TCIM: variants seen among roughly 807,000 people sequenced by gnomAD.
TCIM encodes the protein human thyroid cancer 1.
A neutral mutation model predicts 7.0 loss-of-function variants in TCIM; 5 were observed. That is an observed-to-expected ratio of 0.71 (90% CI 0.37 to 1.50). The LOEUF is 1.50. Ranked by LOEUF, TCIM falls within the 40% of genes most tolerant of loss-of-function variation. The pLI is 0.03. For synonymous variants in TCIM, 66 were observed against 50.3 expected, an observed-to-expected ratio of 1.31 and a Z score of -1.32; for missense variants, 137 against 129.7, an observed-to-expected ratio of 1.06 and a Z score of -0.27.
chr8:40,154,443 A>AT lies in TCIM; in HGVS notation c.*591dup. 1 of 365,248 alleles carries AT rather than the reference A, an allele frequency of 2.7e-6. No individual in the cohort carries two copies. Among genetic ancestry groups the AT allele is most frequent in the Non-Finnish European group, 5.1e-6 (1 of 196,670 alleles). The allele number at this position is 365,248 out of a possible 1,614,324, so 22.6% of individuals were successfully genotyped here. ...TGATTATTTATTTGCACTTATTACAATGCCTGAAAAAGTGCACCACATGGA... is the reference window on the plus strand; with the variant it reads ...TGATTATTTATTTGCACTTATTACAATTGCCTGAAAAAGTGCACCACATGGA... On this transcript the variant is annotated 3_prime_UTR_variant, in exon 1 of 1. Transcript: ENST00000315792.
Position 40,153,704 on chromosome 8 carries a change from A to G in TCIM, c.172A>G (p.Lys58Glu). Residue 58 changes from lysine to glutamate, a missense_variant, in exon 1 of 1, where the codon AAG (lysine) becomes GAG (glutamate). Physicochemically the swap from Lys to Glu is moderately conservative, Grantham distance 56. Transcript: ENST00000315792. ...LERLFRNSGD[K>E]KAEERAKIIF... Reference sequence around the variant, plus strand: ...AAGGCTCTTCAGAAACTCTGGAGACAAGAAAGCAGAGGAGAGAGCCAAGAT... The same window carrying G: ...AAGGCTCTTCAGAAACTCTGGAGACGAGAAAGCAGAGGAGAGAGCCAAGAT... 1 of 1,614,178 alleles carries G rather than the reference A, an allele frequency of 6.2e-7. No homozygotes were observed. Among genetic ancestry groups the G allele is most frequent in the South Asian group, 1.1e-5 (1 of 91,084 alleles).
In TCIM at chr8:40,154,962, C is replaced by A. The variant is rs569293235; in HGVS notation, c.*1109C>A. ...TTACCAAACTTTTTCAAAACAAATT[C>A]TTACGTCAAATATCTGGGAAGTTTC... On this transcript the variant is annotated 3_prime_UTR_variant, in exon 1 of 1. Coordinates refer to ENST00000315792, the MANE Select transcript of TCIM (RefSeq NM_020130.5). The A allele has an allele frequency of 6.0e-6, 1 of 167,026 alleles. No individual in the cohort carries two copies. Among genetic ancestry groups the A allele is most frequent in the East Asian group, 1.9e-4 (1 of 5,194 alleles). 10.3% of individuals were successfully genotyped at this position (167,026 alleles called of 1,614,324 possible). A position where few individuals can be genotyped will look rare whatever the true frequency, so the allele number is the denominator to read the frequency against.
chr8:40,153,576 C>T lies in TCIM; in HGVS notation c.44C>T (p.Ser15Leu), dbSNP rs745509044. ...CACCAAGCCGTCATCATGTCCACGTCGCTACGAGTCAGCCCATCCATCCAT... is the reference window on the plus strand; with the variant it reads ...CACCAAGCCGTCATCATGTCCACGTTGCTACGAGTCAGCCCATCCATCCAT... ...RSHQAVIMST[S>L]LRVSPSIHGY... is the part of the protein sequence containing the mutation. Residue 15 changes from serine (S) to leucine (L), a missense_variant, in exon 1 of 1, where the codon TCG becomes TTG. Coordinates refer to ENST00000315792, the MANE Select transcript of TCIM (RefSeq NM_020130.5). 107 of 1,614,042 alleles carry T rather than the reference C, an allele frequency of 6.6e-5. No individual in the cohort carries two copies. The East Asian group carries it at 2.2e-3, about 33-fold the overall frequency.
At position 40,154,470 on chromosome 8, in the gene TCIM, G is replaced by GTT. The variant is rs1302847698; in HGVS notation, c.*618_*619dup. On this transcript the variant is annotated 3_prime_UTR_variant, in exon 1 of 1. Coordinates refer to ENST00000315792, the MANE Select transcript of TCIM (RefSeq NM_020130.5). ...GCCTGAAAAAGTGCACCACATGGATGTTAAGTAGAAATTCAAGAAAGTAAG... is the reference window on the plus strand; with the variant it reads ...GCCTGAAAAAGTGCACCACATGGATGTTTTAAGTAGAAATTCAAGAAAGTAAG... 2 of 327,414 alleles carry GTT rather than the reference G, an allele frequency of 6.1e-6. No homozygotes were observed. Among genetic ancestry groups the GTT allele is most frequent in the Middle Eastern group, 8.7e-4 (1 of 1,152 alleles). The allele number at this position is 327,414 out of a possible 1,614,324, so 20.3% of individuals were successfully genotyped here.
Position 40,154,226 on chromosome 8 carries a change from T to C in TCIM, c.*373T>C, listed in dbSNP as rs1804759812. On this transcript the variant is annotated 3_prime_UTR_variant, in exon 1 of 1. Coordinates refer to ENST00000315792, the MANE Select transcript of TCIM (RefSeq NM_020130.5). The stretch of plus-strand genomic sequence containing the variant: ...TATCCAGGGTCACTTTGTCAGGCCC[T>C]AGGACTTAAATCGAAGTTGAACTTT... 3 of 412,612 alleles carry C rather than the reference T, an allele frequency of 7.3e-6. No homozygotes were observed. The South Asian group carries it at 3.8e-4, about 53-fold the overall frequency. The allele number at this position is 412,612 out of a possible 1,614,324, so 25.6% of individuals were successfully genotyped here.
rs570189531 is a variant in TCIM, at chr8:40,155,137, G to A, written c.*1284G>A. ...TTTCTTCTATGATTACAGTAGCTAT[G>A]TACATGTGTACATCTATTTTTCCCA... is the stretch of plus-strand genomic sequence containing the variant. On this transcript the variant is annotated 3_prime_UTR_variant, in exon 1 of 1. Transcript: ENST00000315792. The A allele has an allele frequency of 2.4e-5, 4 of 166,934 alleles. No individual in the cohort carries two copies. The highest frequency in any genetic ancestry group is 4.4e-5 in the Non-Finnish European group (3 of 68,070). 10.3% of individuals were successfully genotyped at this position (166,934 alleles called of 1,614,324 possible).
rs1050164606 is a variant in TCIM at position 40,154,724 on chromosome 8, A to G, written c.*871A>G. The G allele has an allele frequency of 1.8e-5, 3 of 167,098 alleles. No homozygotes were observed. Among genetic ancestry groups the G allele is most frequent in the African/African-American group, 7.2e-5 (3 of 41,460 alleles). The allele number at this position is 167,098 out of a possible 1,614,324, so 10.4% of individuals were successfully genotyped here. On this transcript the variant is annotated 3_prime_UTR_variant, in exon 1 of 1. Transcript: ENST00000315792. ...AAGCATTAGGAAGTGAATATGATAT[A>G]CAAAATAGTTTATAAAGACTCTATA...
rs748653243 is a variant in TCIM at position 40,153,762 on chromosome 8, A to T, written c.230A>T (p.Lys77Ile). ...GCCATAGATCAAGATGTGGAGGAGA[A>T]AACGCGTGCCCTGATGGCCTTGAAG... is the stretch of plus-strand genomic sequence containing the variant. ...IFAIDQDVEE[K>I]TRALMALKKR... The change falls in exon 1 of 1, where the codon AAA becomes ATA. Residue 77 changes from lysine to isoleucine, a missense_variant. Transcript: ENST00000315792. 49 of 1,614,060 alleles carry T rather than the reference A, an allele frequency of 3.0e-5. No homozygotes were observed. The highest frequency in any genetic ancestry group is 4.0e-5 in the Non-Finnish European group (47 of 1,180,036).
In TCIM at chr8:40,155,206, C is replaced by A. The variant is rs1182933492; in HGVS notation, c.*1353C>A. ...TAGAGTCTGAGTGATGACCAAGATTCTGTGTGTTACTACTGTTTGTTTAAT... is the reference window on the plus strand; with the variant it reads ...TAGAGTCTGAGTGATGACCAAGATTATGTGTGTTACTACTGTTTGTTTAAT... On this transcript the variant is annotated 3_prime_UTR_variant, in exon 1 of 1. Coordinates refer to ENST00000315792, the MANE Select transcript of TCIM (RefSeq NM_020130.5). 6.0e-6 allele frequency: 1 copy of A among 166,988 alleles called. No individual in the cohort carries two copies. Among genetic ancestry groups the A allele is most frequent in the Non-Finnish European group, 1.5e-5 (1 of 68,106 alleles). 10.3% of individuals were successfully genotyped at this position (166,988 alleles called of 1,614,324 possible).
rs1038871735 is a variant in TCIM at position 40,155,108 on chromosome 8, A to C, written c.*1255A>C. 3.6e-5 allele frequency: 6 copies of C among 167,050 alleles called. No individual in the cohort carries two copies. Among genetic ancestry groups the C allele is most frequent in the African/African-American group, 1.4e-4 (6 of 41,464 alleles). The allele number at this position is 167,050 out of a possible 1,614,324, so 10.3% of individuals were successfully genotyped here. On this transcript the variant is annotated 3_prime_UTR_variant, in exon 1 of 1. Transcript: ENST00000315792. The stretch of plus-strand genomic sequence containing the variant: ...AAAGGCTTTCTCTTCATACTTTTGA[A>C]AAATTTCTTCTATGATTACAGTAGC...
rs1209898673 is a variant in TCIM, at chr8:40,153,544, G to A, written c.12G>A (p.Lys4=). The A allele has an allele frequency of 6.2e-6, 10 of 1,610,782 alleles. No individual in the cohort carries two copies. Among genetic ancestry groups the A allele is most frequent in the Non-Finnish European group, 8.5e-6 (10 of 1,178,136 alleles). Reference sequence around the variant, plus strand: ...AGATCCCCACATCGATGAAAGCAAAGCGAAGCCACCAAGCCGTCATCATGT... The same window carrying A: ...AGATCCCCACATCGATGAAAGCAAAACGAAGCCACCAAGCCGTCATCATGT... MKA[K]RSHQAVIMST... Residue 4 remains lysine, a synonymous_variant, in exon 1 of 1, where the codon AAG becomes AAA. Transcript: ENST00000315792.
rs901750729 is a variant in TCIM at position 40,154,664 on chromosome 8, C to T, written c.*811C>T. On this transcript the variant is annotated 3_prime_UTR_variant, in exon 1 of 1. Transcript: ENST00000315792. ...TTAAATCTTCTGACTAATGCTAAAA[C>T]GTAATCTAATTAAATTTCATACAGT... The T allele has an allele frequency of 3.6e-5, 6 of 167,352 alleles. No individual in the cohort carries two copies. The highest frequency in any genetic ancestry group is 1.3e-4 in the Admixed American group (2 of 15,290). 10.4% of individuals were successfully genotyped at this position (167,352 alleles called of 1,614,324 possible). A position where few individuals can be genotyped will look rare whatever the true frequency, so the allele number is the denominator to read the frequency against.
rs1804781211 is a variant in TCIM at position 40,155,282 on chromosome 8, CTA to C, written c.*1432_*1433del. The C allele has an allele frequency of 6.0e-6, 1 of 166,698 alleles. No homozygotes were observed. The allele number at this position is 166,698 out of a possible 1,614,324, so 10.3% of individuals were successfully genotyped here. ...TCTCTTTGCTTATTTCCCGTTAAAA[CTA>C]TAATAAAATGTTTCTAGGACAGCAT... On this transcript the variant is annotated 3_prime_UTR_variant, in exon 1 of 1. Coordinates refer to ENST00000315792, the MANE Select transcript of TCIM (RefSeq NM_020130.5).
rs938254394 is a variant in TCIM, at chr8:40,154,059, T to C, written c.*206T>C. The C allele has an allele frequency of 2.4e-5, 14 of 586,342 alleles. No individual in the cohort carries two copies. The African/African-American group carries it at 2.6e-4, about 11-fold the overall frequency. 36.3% of individuals were successfully genotyped at this position (586,342 alleles called of 1,614,324 possible). ...AAAGACTCCAAACAATTTCATGCCCTGTGCTGTTACAGAGGAGAACAAAAT... is the reference window on the plus strand; with the variant it reads ...AAAGACTCCAAACAATTTCATGCCCCGTGCTGTTACAGAGGAGAACAAAAT... On this transcript the variant is annotated 3_prime_UTR_variant, in exon 1 of 1. Coordinates refer to ENST00000315792, the MANE Select transcript of TCIM (RefSeq NM_020130.5).
At position 40,153,555 on chromosome 8, in the gene TCIM, A is replaced by C. The variant is rs766443410; in HGVS notation, c.23A>C (p.Gln8Pro). The C allele has an allele frequency of 1.2e-6, 2 of 1,612,856 alleles. No homozygotes were observed. The highest frequency in any genetic ancestry group is 1.7e-6 in the Non-Finnish European group (2 of 1,179,244). The change falls in exon 1 of 1, where the codon CAA becomes CCA. Residue 8 changes from glutamine (Q) to proline (P), a missense_variant. Gln to Pro is a moderately conservative substitution (Grantham distance 76). Transcript: ENST00000315792. ...TCGATGAAAGCAAAGCGAAGCCACCAAGCCGTCATCATGTCCACGTCGCTA... is the reference window on the plus strand; with the variant it reads ...TCGATGAAAGCAAAGCGAAGCCACCCAGCCGTCATCATGTCCACGTCGCTA... MKAKRSH[Q>P]AVIMSTSLRV...
Position 40,153,680 on chromosome 8 carries a change from A to G in TCIM, c.148A>G (p.Arg50Gly), listed in dbSNP as rs770116684. The change falls in exon 1 of 1, where the codon AGG (arginine) becomes GGG (glycine). Residue 50 changes from arginine to glycine, a missense_variant. Coordinates refer to ENST00000315792, the MANE Select transcript of TCIM (RefSeq NM_020130.5). ...AAACACAGACCAAGAATCACTAGAA[A>G]GGCTCTTCAGAAACTCTGGAGACAA... ...FENTDQESLERLFRNSGDKKA... is the reference protein window; with the variant it reads ...FENTDQESLEGLFRNSGDKKA... 1 of 1,614,046 alleles carries G rather than the reference A, an allele frequency of 6.2e-7. No individual in the cohort carries two copies.
In TCIM at chr8:40,154,768, A is replaced by G. The variant is rs1163882808; in HGVS notation, c.*915A>G. On this transcript the variant is annotated 3_prime_UTR_variant, in exon 1 of 1. Coordinates refer to ENST00000315792, the MANE Select transcript of TCIM (RefSeq NM_020130.5). The stretch of plus-strand genomic sequence containing the variant: ...CTCTATAGTTTCTATAATTTATTTT[A>G]CTGGCAAATGTCATGCAACAATAAT... 1 of 167,076 alleles carries G rather than the reference A, an allele frequency of 6.0e-6. No individual in the cohort carries two copies. Among genetic ancestry groups the G allele is most frequent in the African/African-American group, 2.4e-5 (1 of 41,462 alleles). The allele number at this position is 167,076 out of a possible 1,614,324, so 10.3% of individuals were successfully genotyped here. A position where few individuals can be genotyped will look rare whatever the true frequency, so the allele number is the denominator to read the frequency against.
Position 40,153,563 on chromosome 8 carries a change from A to T in TCIM, c.31A>T (p.Ile11Phe), listed in dbSNP as rs777667508. 1 of 1,613,724 alleles carries T rather than the reference A, an allele frequency of 6.2e-7. No homozygotes were observed. The highest frequency in any genetic ancestry group is 8.5e-7 in the Non-Finnish European group (1 of 1,179,830). The stretch of plus-strand genomic sequence containing the variant: ...AGCAAAGCGAAGCCACCAAGCCGTC[A>T]TCATGTCCACGTCGCTACGAGTCAG... MKAKRSHQAV[I>F]MSTSLRVSPS... The change falls in exon 1 of 1, where the codon ATC becomes TTC. Residue 11 changes from isoleucine to phenylalanine, a missense_variant. Physicochemically the swap from Ile to Phe is conservative, Grantham distance 21. Transcript: ENST00000315792.
rs1423978694 is a variant in TCIM at position 40,154,305 on chromosome 8, A to G, written c.*452A>G. On this transcript the variant is annotated 3_prime_UTR_variant, in exon 1 of 1. Coordinates refer to ENST00000315792, the MANE Select transcript of TCIM (RefSeq NM_020130.5). ...GGAAGGGAGGAGGGAGAGGGAGGAC[A>G]GGGAGAGAAAATACCATGCATAAAT... 4.8e-6 allele frequency: 2 copies of G among 412,966 alleles called. No homozygotes were observed. Among genetic ancestry groups the G allele is most frequent in the Non-Finnish European group, 8.8e-6 (2 of 226,668 alleles). 25.6% of individuals were successfully genotyped at this position (412,966 alleles called of 1,614,324 possible). A position where few individuals can be genotyped will look rare whatever the true frequency, so the allele number is the denominator to read the frequency against.
Sources: gnomAD v4.1 joint callset for allele counts on GRCh38, gnomAD v4.1.1 for gene constraint, MANE v1.5 for transcripts, NCBI Gene and HGNC (gene_info 2026-07-23, HGNC 2026-07-21) for gene names.